RBFOX1: variants seen among roughly 807,000 people sequenced by gnomAD.
The protein encoded by RBFOX1 is RNA binding fox-1 homolog 1, also known as RNA binding protein fox-1 homolog 1.
A neutral mutation model predicts 57.7 loss-of-function variants in RBFOX1; 8 were observed. The observed-to-expected ratio is 0.14, with a 90% CI of 0.08 to 0.25. RBFOX1 has a LOEUF of 0.25. Ranked by LOEUF, RBFOX1 falls within the 10% of genes least tolerant of loss-of-function variation. The pLI, the probability that RBFOX1 is intolerant of heterozygous loss-of-function variation, is 1.00. For synonymous variants in RBFOX1, 326 were observed against 222.4 expected, an observed-to-expected ratio of 1.47 and a Z score of -4.15; for missense variants, 611 against 548.5, an observed-to-expected ratio of 1.11 and a Z score of -1.14.
chr16:6,403,152 G>C (rs1157035692), intron 2 of RBFOX1, among the ~76,000 whole-genome samples: 1 of 152,126 alleles, frequency 6.6e-6, no homozygotes, highest in Non-Finnish European at 1.5e-5. Context: ...AGCAGCATGA[G>C]TATCACCTGG....
chr16:6,350,435 C>G (rs1234672056), intron 2 of RBFOX1, among the ~76,000 whole-genome samples: 2 of 111,522 alleles, frequency 1.8e-5, no homozygotes, highest in East Asian at 3.1e-4. Context: ...GAGTGAAACT[C>G]TGTCTCAAGA....
At chr16:6,951,956 G>A (rs934000313) in intron 3 of RBFOX1, among the ~76,000 whole-genome samples, 6 of 152,040 alleles carry the variant, frequency 3.9e-5, no homozygotes, top group Non-Finnish European at 5.9e-5. Flanking sequence ...GGCTGGTCTC[G>A]AACACCTGAT....
intron 3 of RBFOX1, among the ~76,000 whole-genome samples, chr16:5,709,167 C>T (rs1436859833): frequency 6.6e-6 from 1 of 152,168 alleles, no homozygotes; most frequent in Non-Finnish European, 1.5e-5. Flanking sequence ...ATCTGTGGAT[C>T]TGTTTCTGGG....
chr16:7,607,241 T>A lies in RBFOX1; in HGVS notation c.623-44T>A, dbSNP rs2095315860. 7.8e-6 allele frequency: 12 copies of A among 1,536,840 alleles called. No individual in the cohort carries two copies. The East Asian group carries it at 2.7e-4, about 35-fold the overall frequency. On this transcript the variant is annotated intron_variant, in intron 9 of 15. Coordinates refer to ENST00000550418, the MANE Select transcript of RBFOX1 (RefSeq NM_018723.4). ...GATTCATTTGCAATTATATAAGATG[T>A]TGAATCAAATGTGATAATAATGTTT... is the stretch of plus-strand genomic sequence containing the variant.
At chr16:5,335,027 A>C (rs369222380) in intron 1 of RBFOX1, among the ~76,000 whole-genome samples, 61 of 152,270 alleles carry the variant, frequency 4.0e-4, no homozygotes, top group African/African-American at 1.4e-3. Context: ...ATTCTGATAA[A>C]CATCACCAAA....
At chr16:6,769,907 A>G (rs979582312) in intron 3 of RBFOX1, among the ~76,000 whole-genome samples, 2 of 152,198 alleles carry the variant, frequency 1.3e-5, no homozygotes, top group African/African-American at 2.4e-5. Context: ...TTTATTTCTC[A>G]TAAGTCTGTT....
intron 4 of RBFOX1, among the ~76,000 whole-genome samples, chr16:7,337,968 C>T (rs1170219184): frequency 2.6e-5 from 4 of 152,244 alleles, no homozygotes; most frequent in African/African-American, 9.6e-5. Flanking sequence ...CAGGCATGAG[C>T]CACCATGCCC....
intron 4 of RBFOX1, among the ~76,000 whole-genome samples, chr16:7,378,511 A>AT (rs140950756): frequency 0.016 from 2,475 of 152,114 alleles, 74 homozygotes; most frequent in African/African-American, 0.057. Flanking sequence ...GTCTTGGGTG[A>AT]TTTCCAACTG....
chr16:7,657,897 A>G (rs925931830), intron 12 of RBFOX1, among the ~76,000 whole-genome samples: 1 of 152,222 alleles, frequency 6.6e-6, no homozygotes, highest in Non-Finnish European at 1.5e-5. Flanking sequence ...AGTAATGTCT[A>G]CATAGCCTAT....
chr16:5,402,607 A>G (rs1176950946), intron 1 of RBFOX1, among the ~76,000 whole-genome samples: 2 of 152,258 alleles, frequency 1.3e-5, no homozygotes, highest in Admixed American at 6.5e-5. Flanking sequence ...AATTCCAAGT[A>G]TACAGTCATA....
intron 1 of RBFOX1, among the ~76,000 whole-genome samples, chr16:6,050,362 G>A (rs1202503739): frequency 6.6e-6 from 1 of 152,176 alleles, no homozygotes; most frequent in Admixed American, 6.5e-5. Context: ...AAAACAGATT[G>A]TTTGTCCTGC....
rs894098567 is a variant in RBFOX1 at position 5,947,786 on chromosome 16, C to A, written c.351+80451C>A. ...ACCTAACAGTGCAAGGATACAGCTG[C>A]CCTTGGTATTCTTCATGGTGATAAT... On this transcript the variant is annotated intron_variant, in intron 4 of 19. Transcript: ENST00000641259. The surrounding 1 kb of genome is among the most constrained non-coding windows in gnomAD (Gnocchi z 7.2). Among the ~76,000 whole-genome samples the A allele has an allele frequency of 6.6e-6, 1 of 152,144 alleles. No homozygotes were observed. Among genetic ancestry groups the A allele is most frequent in the Non-Finnish European group, 1.5e-5 (1 of 68,036 alleles).
At chr16:6,477,667 T>C (rs1680655315) in intron 2 of RBFOX1, among the ~76,000 whole-genome samples, 1 of 152,218 alleles carries the variant, frequency 6.6e-6, no homozygotes, top group South Asian at 2.1e-4. Context: ...CCAGCTGTAT[T>C]AGCCCCTAAT....
At chr16:7,183,972 T>G (rs1185803905) in intron 4 of RBFOX1, among the ~76,000 whole-genome samples, 3 of 152,034 alleles carry the variant, frequency 2.0e-5, no homozygotes, top group Non-Finnish European at 2.9e-5. Flanking sequence ...ATGACGTCAT[T>G]AAAGAACTGA....
At chr16:6,177,178 T>A (rs2097017938) in intron 1 of RBFOX1, among the ~76,000 whole-genome samples, 1 of 151,598 alleles carries the variant, frequency 6.6e-6, no homozygotes, top group Admixed American at 6.6e-5. Context: ...AAATCTCATT[T>A]CTTGTTTGTT....
intron 4 of RBFOX1, among the ~76,000 whole-genome samples, chr16:7,382,398 T>C (rs970121672): frequency 5.3e-5 from 8 of 152,260 alleles, no homozygotes; most frequent in Admixed American, 1.3e-4. Flanking sequence ...TCATATCTTT[T>C]CTAGATAATC....
intron 1 of RBFOX1, among the ~76,000 whole-genome samples, chr16:5,445,004 C>T (rs970017726): frequency 2.6e-5 from 4 of 152,150 alleles, no homozygotes; most frequent in African/African-American, 9.7e-5. Context: ...TCTTCCTCCT[C>T]CTCCTTCTGT....
intron 2 of RBFOX1, among the ~76,000 whole-genome samples, chr16:6,618,386 G>A (rs71386437): frequency 0.18 from 28,057 of 152,178 alleles, 3,027 homozygotes; most frequent in Middle Eastern, 0.24. Flanking sequence ...ACCATAAAAG[G>A]TAGGGACTGT....
At chr16:7,402,359 TTAA>T (rs1381128109) in intron 4 of RBFOX1, among the ~76,000 whole-genome samples, 1 of 152,202 alleles carries the variant, frequency 6.6e-6, no homozygotes, top group African/African-American at 2.4e-5. Flanking sequence ...TTATCAATCT[TTAA>T]TAATTTCAGA....
Sources: allele counts gnomAD v4.1 joint callset (sites outside exome capture counted in the v4.1 genomes callset), GRCh38; gene constraint gnomAD v4.1.1; non-coding constraint Gnocchi (gnomAD v3.1); transcripts MANE v1.5; gene names NCBI Gene and HGNC (gene_info 2026-07-23, HGNC 2026-07-21).